Variants in CCDC171 observed in about 807,000 individuals in gnomAD.
CCDC171 encodes the protein coiled-coil domain-containing protein 171.
Under a neutral mutation model 168.2 loss-of-function variants are expected in CCDC171, and 177 were observed. The observed-to-expected ratio is 1.05, with a 90% CI of 0.93 to 1.19. The LOEUF (loss-of-function observed/expected upper bound fraction) is 1.19, where lower values mean the gene tolerates loss of function less well. CCDC171 is among the 50% of genes most tolerant of loss of function. The probability of loss-of-function intolerance (pLI) is 0.00; values close to 1 mark genes in which losing one functional copy is unlikely to be tolerated. For synonymous variants in CCDC171, 687 were observed against 540.8 expected (o/e 1.27, Z -3.75); for missense variants, 1,991 against 1,539.0 (o/e 1.29, Z -4.91).
chr9:15,731,286 C>G (rs932319653), intron 16 of CCDC171, among the ~76,000 whole-genome samples: 1 of 152,072 alleles, frequency 6.6e-6, no homozygotes, highest in Non-Finnish European at 1.5e-5. Context: ...AACATAAACA[C>G]CCATGTGATC....
At chr9:15,885,895 TAAAC>T (rs1317623720) in intron 24 of CCDC171, 1 of 152,158 alleles carries the variant, frequency 6.6e-6, no homozygotes, top group Non-Finnish European at 1.5e-5. Context: ...TTACATTTGT[TAAAC>T]AGACTGTTAT....
chr9:15,609,709 A>G (rs1353705611), intron 6 of CCDC171, among the ~76,000 whole-genome samples: 1 of 152,136 alleles, frequency 6.6e-6, no homozygotes, highest in Non-Finnish European at 1.5e-5. Context: ...CATCAGTACT[A>G]AATTGCTTTA....
intron 2 of CCDC171, among the ~76,000 whole-genome samples, chr9:15,570,744 T>A (rs1291377169): frequency 5.3e-5 from 8 of 152,220 alleles, no homozygotes; most frequent in African/African-American, 7.2e-5. Context: ...GCAAGAACAT[T>A]CTGGCAAGAC....
intron 14 of CCDC171, among the ~76,000 whole-genome samples, chr9:15,726,585 G>A (rs1418838022): frequency 2.6e-5 from 4 of 152,012 alleles, no homozygotes; most frequent in Non-Finnish European, 5.9e-5. Context: ...TAAATTTGTT[G>A]TTGTAACTAC....
chr9:15,609,707 C>T (rs143745044), intron 6 of CCDC171, among the ~76,000 whole-genome samples: 3 of 152,226 alleles, frequency 2.0e-5, no homozygotes. Flanking sequence ...TGCATCAGTA[C>T]TAAATTGCTT....
chr9:15,572,879 C>T (rs1313478041), intron 3 of CCDC171, among the ~76,000 whole-genome samples: 1 of 152,134 alleles, frequency 6.6e-6, no homozygotes, highest in African/African-American at 2.4e-5. Context: ...ATGAAAAGGG[C>T]CAGGTGTGGT....
chr9:16,050,718 C>T (rs1833737972), intron 1 of CCDC171, among the ~76,000 whole-genome samples: 1 of 152,194 alleles, frequency 6.6e-6, no homozygotes, highest in Non-Finnish European at 1.5e-5. Context: ...GAAACTCCCT[C>T]AATAAACAAA....
rs186817647 is a variant in CCDC171 at position 15,795,260 on chromosome 9, C to T, written c.3267+10566C>T. On this transcript the variant is annotated intron_variant, in intron 21 of 25. Transcript: ENST00000380701. ...CCTTTTATAAGAAACCCTATTTCAT[C>T]GGTTAATTTATAACTAACTCACTCC... 2.7e-4 allele frequency among the ~76,000 whole-genome samples: 41 copies of T among 152,184 alleles called. 1 individual carries two copies. The Middle Eastern group carries it at 0.014, about 51-fold the overall frequency.
intron 18 of CCDC171, among the ~76,000 whole-genome samples, chr9:15,759,693 A>C (rs1421884739): frequency 2.0e-5 from 3 of 152,160 alleles, no homozygotes; most frequent in Non-Finnish European, 2.9e-5. Context: ...CAGCTTGTGC[A>C]TCTTTTGCAA....
At chr9:15,988,269 A>G (rs1832061931) in intron 3 of CCDC171, among the ~76,000 whole-genome samples, 1 of 151,748 alleles carries the variant, frequency 6.6e-6, no homozygotes, top group Non-Finnish European at 1.5e-5. Context: ...TGTACACTGT[A>G]TTTTGTTTTT....
chr9:15,617,366 T>A (rs2044157344), intron 6 of CCDC171, among the ~76,000 whole-genome samples: 1 of 151,748 alleles, frequency 6.6e-6, no homozygotes, highest in South Asian at 2.1e-4. Flanking sequence ...TTGGATGGGC[T>A]TTTTGTGGGA....
intron 6 of CCDC171, among the ~76,000 whole-genome samples, chr9:16,030,569 A>C (rs1049550140): frequency 1.3e-5 from 2 of 152,224 alleles, no homozygotes; most frequent in African/African-American, 2.4e-5. Flanking sequence ...CAAAAGTAGC[A>C]GTGTGTATGG....
At chr9:16,019,221 G>A (rs1284097034) in intron 3 of CCDC171, among the ~76,000 whole-genome samples, 1 of 152,130 alleles carries the variant, frequency 6.6e-6, no homozygotes, top group Non-Finnish European at 1.5e-5. Flanking sequence ...TCCTGTCTAA[G>A]AACCAAAGGC....
chr9:15,792,429 C>T (rs1035442702), intron 21 of CCDC171, among the ~76,000 whole-genome samples: 37 of 152,102 alleles, frequency 2.4e-4, no homozygotes, highest in Non-Finnish European at 5.0e-4. Flanking sequence ...ACTTCCCCAA[C>T]CTAGCAAGGC....
chr9:16,052,028 C>T (rs930864641), intron 1 of CCDC171, among the ~76,000 whole-genome samples: 11 of 152,140 alleles, frequency 7.2e-5, no homozygotes, highest in Admixed American at 6.5e-4. Flanking sequence ...AAAACCTGCC[C>T]CCATGATTCA....
At chr9:15,620,367 AGG>A (rs2044408179) in intron 6 of CCDC171, among the ~76,000 whole-genome samples, 1 of 152,036 alleles carries the variant, frequency 6.6e-6, no homozygotes, top group South Asian at 2.1e-4. Context: ...AGGAGTTTGG[AGG>A]AAGTTGGTTC....
intron 2 of CCDC171, among the ~76,000 whole-genome samples, chr9:15,568,842 C>G (rs2039969178): frequency 6.6e-6 from 1 of 151,908 alleles, no homozygotes; most frequent in Non-Finnish European, 1.5e-5. Context: ...TTTTCCCATT[C>G]TCTAGGCTGT....
intron 3 of CCDC171, among the ~76,000 whole-genome samples, chr9:15,996,711 A>G (rs1177391551): frequency 1.3e-5 from 2 of 152,164 alleles, no homozygotes; most frequent in African/African-American, 4.8e-5. Flanking sequence ...GGAAGGATAT[A>G]CAAGTATTAT....
intron 10 of CCDC171, among the ~76,000 whole-genome samples, chr9:15,682,328 G>C (rs950828913): frequency 5.4e-4 from 82 of 151,976 alleles, no homozygotes; most frequent in African/African-American, 2.0e-3. Flanking sequence ...CAGTTGGAAA[G>C]TGATAGCTCC....
Sources: gnomAD v4.1 joint callset for allele counts (sites outside exome capture counted in the v4.1 genomes callset) on GRCh38, gnomAD v4.1.1 for gene constraint, MANE v1.5 for transcripts, NCBI Gene and HGNC (gene_info 2026-07-23, HGNC 2026-07-21) for gene names.